The following HTR2C variants were observed in gnomAD, a reference collection of about 807,000 sequenced individuals.
HTR2C encodes the protein 5-hydroxytryptamine receptor 2C.
HTR2C carries 5 observed loss-of-function variants against 21.0 expected under a neutral mutation model. The observed-to-expected ratio is 0.24, with a 90% CI of 0.12 to 0.50. HTR2C has a LOEUF of 0.50. HTR2C is among the 20% of genes least tolerant of loss of function. HTR2C has a pLI of 0.98. For missense variants in HTR2C, 271 were observed against 371.2 expected, an observed-to-expected ratio of 0.73 and a Z score of 2.22; for synonymous variants, 150 against 145.3, an observed-to-expected ratio of 1.03 and a Z score of -0.23.
At chrX:114,606,569 A>G (rs990240575) in intron 1 of HTR2C, among the ~76,000 whole-genome samples, 5 of 111,770 alleles carry the variant, frequency 4.5e-5, no homozygotes, top group Non-Finnish European at 9.4e-5. Flanking sequence ...GAAGGGAGAG[A>G]TTGAAGAGTG....
chrX:114,781,676 T>G (rs1393619131), intron 4 of HTR2C, among the ~76,000 whole-genome samples: 1 of 109,692 alleles, frequency 9.1e-6, no homozygotes. Flanking sequence ...AATTTTTAAA[T>G]TTTTTGTAGA....
intron 2 of HTR2C, among the ~76,000 whole-genome samples, chrX:114,687,366 T>A (rs1042468250): frequency 8.9e-6 from 1 of 112,479 alleles, no homozygotes; most frequent in African/African-American, 3.2e-5. Flanking sequence ...TTCATTGATT[T>A]GAGAATTTGA....
chrX:114,668,315 A>G (rs1273007084), intron 2 of HTR2C, among the ~76,000 whole-genome samples: 2 of 111,988 alleles, frequency 1.8e-5, no homozygotes, highest in Middle Eastern at 4.6e-3. Flanking sequence ...TTTACACAAT[A>G]GGCTTGAGGG....
intron 1 of HTR2C, among the ~76,000 whole-genome samples, chrX:114,599,982 C>T (rs1261185179): frequency 9.0e-6 from 1 of 110,643 alleles, no homozygotes; most frequent in Non-Finnish European, 1.9e-5. Context: ...AGCAGAATCT[C>T]GGAGATAGGA....
chrX:114,638,996 GTCT>G (rs1294100972), intron 2 of HTR2C, among the ~76,000 whole-genome samples: 1 of 111,012 alleles, frequency 9.0e-6, no homozygotes, highest in Non-Finnish European at 1.9e-5. Context: ...ATGTGCATGT[GTCT>G]TGTAATACTT....
chrX:114,675,615 C>A (rs1434318091), intron 2 of HTR2C, among the ~76,000 whole-genome samples: 1 of 111,709 alleles, frequency 9.0e-6, no homozygotes, highest in Non-Finnish European at 1.9e-5. Flanking sequence ...AAATTAGGCA[C>A]CTTTGGCATT....
At chrX:114,604,958 T>G (rs1413092897) in intron 1 of HTR2C, among the ~76,000 whole-genome samples, 1 of 111,178 alleles carries the variant, frequency 9.0e-6, no homozygotes, top group Non-Finnish European at 1.9e-5. Context: ...GGGCCGGAAT[T>G]TAATTTTTGG....
intron 1 of HTR2C, among the ~76,000 whole-genome samples, chrX:114,611,627 T>C (rs954663269): frequency 1.8e-5 from 2 of 112,778 alleles, no homozygotes; most frequent in Non-Finnish European, 3.7e-5. Context: ...CAAAAAATGT[T>C]GGTTCAAATT....
In HTR2C at chrX:114,678,165, C is replaced by A. The variant is rs1292577007; in HGVS notation, c.-79-48693C>A. Among the ~76,000 whole-genome samples, 4 of 110,596 alleles carry A rather than the reference C, an allele frequency of 3.6e-5. 1 individual carries two copies. The highest frequency in any genetic ancestry group is 1.3e-4 in the African/African-American group (4 of 30,313). Reference sequence around the variant, plus strand: ...TGAATAAAGTATGGGCAGAATGATTCTTTCTCTGCACATGTAGTAAATATT... The same window carrying A: ...TGAATAAAGTATGGGCAGAATGATTATTTCTCTGCACATGTAGTAAATATT... On this transcript the variant is annotated intron_variant, in intron 2 of 5. Transcript: ENST00000276198.
chrX:114,848,801 G>T (rs1318618654), intron 5 of HTR2C, among the ~76,000 whole-genome samples: 1 of 111,149 alleles, frequency 9.0e-6, no homozygotes, highest in Admixed American at 9.6e-5. Flanking sequence ...AAGATTTGTA[G>T]CAGTTTAAAG....
intron 2 of HTR2C, among the ~76,000 whole-genome samples, chrX:114,667,393 A>G (rs1461893971): frequency 1.5e-4 from 17 of 111,083 alleles, no homozygotes; most frequent in African/African-American, 4.6e-4. Context: ...AGTATTGGGT[A>G]CTAGATACAT....
chrX:114,894,879 C>T (rs1052395758), intron 5 of HTR2C, among the ~76,000 whole-genome samples: 2 of 109,949 alleles, frequency 1.8e-5, no homozygotes, highest in South Asian at 4.0e-4. Flanking sequence ...CCACCATGCT[C>T]GGCTAATTTT....
intron 5 of HTR2C, among the ~76,000 whole-genome samples, chrX:114,868,072 A>G (rs2071060567): frequency 9.1e-6 from 1 of 110,383 alleles, no homozygotes; most frequent in South Asian, 3.9e-4. Flanking sequence ...TAGAGATTGA[A>G]TTGAATCTGT....
At chrX:114,881,322 G>T (rs1201940330) in intron 5 of HTR2C, among the ~76,000 whole-genome samples, 1 of 110,532 alleles carries the variant, frequency 9.0e-6, no homozygotes, top group East Asian at 2.8e-4. Context: ...GGCATCATTT[G>T]CAGTGTAAAA....
At chrX:114,650,221 T>A (rs1327774365) in intron 2 of HTR2C, among the ~76,000 whole-genome samples, 1 of 111,798 alleles carries the variant, frequency 8.9e-6, no homozygotes, top group Non-Finnish European at 1.9e-5. Flanking sequence ...CCAAGTCCAA[T>A]TTGCAGATCA....
At chrX:114,876,422 C>CTTTTTTTT (rs60498146) in intron 5 of HTR2C, among the ~76,000 whole-genome samples, 116 of 62,361 alleles carry the variant, frequency 1.9e-3, no homozygotes, top group Non-Finnish European at 2.4e-3. Flanking sequence ...CTTTTTCTTT[C>CTTTTTTTT]TTTTTTTTTT....
chrX:114,736,831 T>A (rs2069594499), intron 4 of HTR2C, among the ~76,000 whole-genome samples: 1 of 111,761 alleles, frequency 8.9e-6, no homozygotes, highest in African/African-American at 3.2e-5. Flanking sequence ...TACTAGAAAG[T>A]ACTAACAACA....
At chrX:114,898,246 A>G (rs1328981226) in intron 5 of HTR2C, among the ~76,000 whole-genome samples, 3 of 112,250 alleles carry the variant, frequency 2.7e-5, no homozygotes, top group Non-Finnish European at 1.9e-5. Context: ...CCACTTTTTA[A>G]TGGAGTTGTT....
chrX:114,672,942 C>G (rs1408223128), intron 2 of HTR2C, among the ~76,000 whole-genome samples: 2 of 111,970 alleles, frequency 1.8e-5, no homozygotes, highest in African/African-American at 6.5e-5. Context: ...TAATGTGGAT[C>G]TGGAGGCTCA....
Sources: gnomAD v4.1 joint callset for allele counts (sites outside exome capture counted in the v4.1 genomes callset) on GRCh38, gnomAD v4.1.1 for gene constraint, MANE v1.5 for transcripts, NCBI Gene and HGNC (gene_info 2026-07-23, HGNC 2026-07-21) for gene names.